The following KDM4C variants were observed in gnomAD, a reference collection of about 807,000 sequenced individuals.
KDM4C encodes lysine demethylase 4C.
In KDM4C, 81 loss-of-function variants were observed where a neutral mutation model predicts 129.3. That is an observed-to-expected ratio of 0.63 (90% CI 0.52 to 0.75). The LOEUF (loss-of-function observed/expected upper bound fraction) is 0.75. KDM4C is among the 30% of genes least tolerant of loss of function. KDM4C has a pLI of 0.00. For synonymous variants in KDM4C, 573 were observed against 456.1 expected, an observed-to-expected ratio of 1.26 and a Z score of -3.26; for missense variants, 1,457 against 1,304.0, an observed-to-expected ratio of 1.12 and a Z score of -1.81.
intron 8 of KDM4C, among the ~76,000 whole-genome samples, chr9:6,899,395 C>A (rs1816990298): frequency 6.6e-6 from 1 of 152,086 alleles, no homozygotes; most frequent in Non-Finnish European, 1.5e-5. Context: ...GGCAACCAGA[C>A]CAAAGTCCGT....
At chr9:6,931,506 ATT>A (rs67510930) in intron 8 of KDM4C, among the ~76,000 whole-genome samples, 1 of 151,496 alleles carries the variant, frequency 6.6e-6, no homozygotes, top group African/African-American at 2.4e-5. Context: ...ATATATATAT[ATT>A]TTTTTTTCAT....
chr9:6,790,645 T>C (rs1021289997), intron 1 of KDM4C, among the ~76,000 whole-genome samples: 33 of 90,440 alleles, frequency 3.6e-4, no homozygotes, highest in African/African-American at 1.5e-3. Context: ...TCAGGCAGAT[T>C]AAATTCAGCA....
chr9:6,994,226 G>A (rs1819279333), intron 12 of KDM4C, among the ~76,000 whole-genome samples: 1 of 152,100 alleles, frequency 6.6e-6, no homozygotes, highest in Non-Finnish European at 1.5e-5. Flanking sequence ...CCCTTGCTGT[G>A]TGGCCTGTTT....
In KDM4C at chr9:7,175,540, A is replaced by G. The variant is rs1845360648; in HGVS notation, c.*811A>G. The G allele has an allele frequency of 6.5e-6, 1 of 152,672 alleles. No homozygotes were observed. Among genetic ancestry groups the G allele is most frequent in the Non-Finnish European group, 1.5e-5 (1 of 68,054 alleles). 9.5% of individuals were successfully genotyped at this position (152,672 alleles called of 1,614,324 possible). Reference sequence around the variant, plus strand: ...ATGTGTTTGTAAAATTAGAGTTTAAATAAATATGCTTTGATGCATAGTTTT... The same window carrying G: ...ATGTGTTTGTAAAATTAGAGTTTAAGTAAATATGCTTTGATGCATAGTTTT... On this transcript the variant is annotated 3_prime_UTR_variant, in exon 22 of 22. Transcript: ENST00000381309.
chr9:7,076,678 A>C (rs1833957777), intron 17 of KDM4C: 10 of 1,292,220 alleles, frequency 7.7e-6, no homozygotes, highest in Non-Finnish European at 9.8e-6. Context: ...CTGGATCCTC[A>C]CACCTTTGTG....
chr9:6,737,591 G>C (rs1817565024), intron 1 of KDM4C, among the ~76,000 whole-genome samples: 1 of 146,156 alleles, frequency 6.8e-6, no homozygotes, highest in African/African-American at 2.5e-5. Flanking sequence ...TTGAACCCGA[G>C]AGGCAGAGGT....
chr9:6,902,561 G>A (rs1387115810), intron 8 of KDM4C: 1 of 152,206 alleles, frequency 6.6e-6, no homozygotes, highest in African/African-American at 2.4e-5. Flanking sequence ...CTCACAGGTT[G>A]TGAGGATGCG....
intron 3 of KDM4C, among the ~76,000 whole-genome samples, chr9:6,806,782 A>T (rs1830050591): frequency 6.6e-6 from 1 of 152,082 alleles, no homozygotes. Context: ...CTTCTCCCAG[A>T]GCAAGTGATC....
intron 4 of KDM4C, among the ~76,000 whole-genome samples, chr9:6,826,639 G>A (rs1035819603): frequency 6.6e-6 from 1 of 152,128 alleles, no homozygotes; most frequent in African/African-American, 2.4e-5. Flanking sequence ...GCCAAGGTGG[G>A]TGGATCACCT....
At chr9:7,093,097 A>G (rs1835991515) in intron 17 of KDM4C, among the ~76,000 whole-genome samples, 1 of 152,184 alleles carries the variant, frequency 6.6e-6, no homozygotes, top group South Asian at 2.1e-4. Flanking sequence ...TTTTCATGAC[A>G]GAAAAAGAAC....
At chr9:7,015,354 A>G (rs374829200) in intron 14 of KDM4C, among the ~76,000 whole-genome samples, 1 of 152,136 alleles carries the variant, frequency 6.6e-6, no homozygotes, top group African/African-American at 2.4e-5. Context: ...ATCACCTTAG[A>G]TAGTTATTTT....
At chr9:6,808,566 C>T (rs1407270727) in intron 3 of KDM4C, among the ~76,000 whole-genome samples, 4 of 148,648 alleles carry the variant, frequency 2.7e-5, no homozygotes, top group South Asian at 2.2e-4. Flanking sequence ...CGGAAGGCCT[C>T]AGGGTCCTCT....
intron 1 of KDM4C, among the ~76,000 whole-genome samples, chr9:6,742,860 C>T (rs1051638433): frequency 4.6e-5 from 7 of 151,946 alleles, no homozygotes; most frequent in Admixed American, 4.6e-4. Context: ...CAAACATCTT[C>T]AGTGTCAGTA....
intron 3 of KDM4C, among the ~76,000 whole-genome samples, chr9:6,808,534 G>C (rs2131068562): frequency 6.8e-6 from 1 of 147,880 alleles, no homozygotes; most frequent in South Asian, 2.2e-4. Context: ...CTAATCTCAA[G>C]TAATCAGGGA....
intron 9 of KDM4C, among the ~76,000 whole-genome samples, chr9:6,983,857 T>C (rs1315794700): frequency 6.6e-6 from 1 of 152,208 alleles, no homozygotes; most frequent in African/African-American, 2.4e-5. Flanking sequence ...CAACATTTTT[T>C]ACTTTATTTT....
At chr9:7,146,115 GATGCAATATAATAA>G (rs1204994542) in intron 19 of KDM4C, among the ~76,000 whole-genome samples, 2 of 152,174 alleles carry the variant, frequency 1.3e-5, no homozygotes, top group Non-Finnish European at 2.9e-5. Flanking sequence ...GATATTTAAT[GATGCAATATAATAA>G]ATGGAAAAAT....
At chr9:6,831,035 A>G (rs1033283462) in intron 4 of KDM4C, among the ~76,000 whole-genome samples, 2 of 152,238 alleles carry the variant, frequency 1.3e-5, no homozygotes, top group Admixed American at 6.5e-5. Context: ...CTTTGCTACC[A>G]TTCAAGAATT....
At chr9:7,046,309 C>T (rs542718754) in intron 15 of KDM4C, among the ~76,000 whole-genome samples, 2 of 152,000 alleles carry the variant, frequency 1.3e-5, no homozygotes, top group Admixed American at 6.6e-5. Flanking sequence ...TGGGGTTGAT[C>T]AGGACACTTT....
At chr9:6,867,249 C>T (rs773649348) in intron 5 of KDM4C, among the ~76,000 whole-genome samples, 26 of 152,122 alleles carry the variant, frequency 1.7e-4, no homozygotes, top group Non-Finnish European at 2.2e-4. Flanking sequence ...CTCCTGACCT[C>T]GTGATCCGCC....
Sources: allele counts gnomAD v4.1 joint callset (sites outside exome capture counted in the v4.1 genomes callset), GRCh38; gene constraint gnomAD v4.1.1; transcripts MANE v1.5; gene names NCBI Gene and HGNC (gene_info 2026-07-23, HGNC 2026-07-21).